The following ROBO1 variants were observed in gnomAD, a reference collection of about 807,000 sequenced individuals.
ROBO1 encodes roundabout guidance receptor 1.
ROBO1 carries 149 observed loss-of-function variants against 195.9 expected under a neutral mutation model. The observed-to-expected ratio is 0.76, with a 90% CI of 0.67 to 0.87. The LOEUF (loss-of-function observed/expected upper bound fraction) is 0.87. Ranked by LOEUF, ROBO1 falls within the 40% of genes least tolerant of loss-of-function variation. ROBO1 has a pLI of 0.00. For missense variants in ROBO1, 1,933 were observed against 2,068.3 expected, an observed-to-expected ratio of 0.93 and a Z score of 1.27; for synonymous variants, 816 against 733.2, an observed-to-expected ratio of 1.11 and a Z score of -1.82.
intron 2 of ROBO1, among the ~76,000 whole-genome samples, chr3:79,202,044 G>A (rs545015484): frequency 6.6e-5 from 10 of 151,630 alleles, no homozygotes; most frequent in South Asian, 2.1e-4. Context: ...CATTGTAGAC[G>A]TCCATTCTTC....
intron 2 of ROBO1, among the ~76,000 whole-genome samples, chr3:79,391,285 T>G (rs1431329090): frequency 6.6e-6 from 1 of 151,978 alleles, no homozygotes; most frequent in Admixed American, 6.6e-5. Flanking sequence ...AGACTGAGAC[T>G]CCATCTCAAA....
intron 2 of ROBO1, among the ~76,000 whole-genome samples, chr3:79,257,058 T>G (rs2082847302): frequency 6.6e-6 from 1 of 152,158 alleles, no homozygotes; most frequent in Non-Finnish European, 1.5e-5. Context: ...AGATTAAAAA[T>G]TTTAAGTCCC....
intron 2 of ROBO1, among the ~76,000 whole-genome samples, chr3:79,278,377 AAAACAAACAAAC>A (rs113781391): frequency 2.0e-5 from 3 of 150,870 alleles, no homozygotes; most frequent in Admixed American, 6.6e-5. Context: ...AGCAAAAACA[AAAACAAACAAAC>A]AAACAAACAA....
At chr3:79,082,675 G>T (rs1168263285) in intron 3 of ROBO1, among the ~76,000 whole-genome samples, 1 of 152,110 alleles carries the variant, frequency 6.6e-6, no homozygotes, top group African/African-American at 2.4e-5. Flanking sequence ...CCAGTTAGTT[G>T]TCTCTATGCC....
intron 2 of ROBO1, among the ~76,000 whole-genome samples, chr3:79,511,131 G>C (rs1940681776): frequency 6.6e-6 from 1 of 152,062 alleles, no homozygotes; most frequent in Admixed American, 6.6e-5. Context: ...TAGAGCAGAG[G>C]TAAAAGAAGA....
At chr3:79,015,388 C>CG (rs1559593275) in intron 3 of ROBO1, among the ~76,000 whole-genome samples, 1 of 149,718 alleles carries the variant, frequency 6.7e-6, no homozygotes, top group African/African-American at 2.5e-5. Context: ...ACGCCCCCCC[C>CG]CAAAAAAACA....
intron 1 of ROBO1, among the ~76,000 whole-genome samples, chr3:79,701,381 A>G (rs541229507): frequency 2.0e-5 from 3 of 151,216 alleles, no homozygotes; most frequent in Non-Finnish European, 4.4e-5. Flanking sequence ...CCTTTTTTCT[A>G]TCCTATTAGC....
At chr3:79,399,929 G>A (rs1320360178) in intron 2 of ROBO1, among the ~76,000 whole-genome samples, 2 of 152,076 alleles carry the variant, frequency 1.3e-5, no homozygotes, top group Non-Finnish European at 2.9e-5. Flanking sequence ...ATTAAAGACT[G>A]ACATTGCTGA....
intron 4 of ROBO1, among the ~76,000 whole-genome samples, chr3:78,823,115 G>A (rs185925307): frequency 4.5e-4 from 68 of 151,726 alleles, no homozygotes; most frequent in Non-Finnish European, 9.1e-4. Context: ...CTTTTGACAT[G>A]TCTTCAATAG....
intron 1 of ROBO1, among the ~76,000 whole-genome samples, chr3:79,752,616 G>A (rs775329222): frequency 6.6e-6 from 1 of 152,090 alleles, no homozygotes; most frequent in East Asian, 1.9e-4. Flanking sequence ...TCTGCAGGCA[G>A]TAAAGCAAAA....
At chr3:79,225,486 G>A (rs922609983) in intron 2 of ROBO1, among the ~76,000 whole-genome samples, 7 of 152,290 alleles carry the variant, frequency 4.6e-5, no homozygotes, top group African/African-American at 1.7e-4. Context: ...ATTCCTGAAT[G>A]AGCAAATTCT....
chr3:78,706,386 A>G (rs971672740), intron 8 of ROBO1, among the ~76,000 whole-genome samples: 2 of 152,190 alleles, frequency 1.3e-5, no homozygotes, highest in Non-Finnish European at 2.9e-5. Context: ...AGTATCATCA[A>G]AAGTATTTTG....
At chr3:78,837,824 A>C (rs2032873913) in intron 4 of ROBO1, among the ~76,000 whole-genome samples, 1 of 152,204 alleles carries the variant, frequency 6.6e-6, no homozygotes, top group South Asian at 2.1e-4. Context: ...AAAGCAACAC[A>C]TATACACATG....
At chr3:78,739,038 A>G (rs555721181) in intron 5 of ROBO1, among the ~76,000 whole-genome samples, 2 of 152,172 alleles carry the variant, frequency 1.3e-5, no homozygotes, top group African/African-American at 4.8e-5. Context: ...ACAACTCAGC[A>G]TAACTTATCT....
intron 2 of ROBO1, among the ~76,000 whole-genome samples, chr3:79,377,782 AC>A (rs2036435242): frequency 6.6e-6 from 1 of 152,102 alleles, no homozygotes; most frequent in Admixed American, 6.5e-5. Flanking sequence ...CATTCCAGCC[AC>A]CCTTTACTGT....
chr3:79,596,257 A>G (rs989414443), intron 1 of ROBO1, among the ~76,000 whole-genome samples: 2 of 152,104 alleles, frequency 1.3e-5, no homozygotes, highest in Admixed American at 1.3e-4. Context: ...TCTGTGCCAG[A>G]CAGGGGAAAG....
intron 1 of ROBO1, among the ~76,000 whole-genome samples, chr3:79,604,256 G>C (rs1387568074): frequency 6.6e-6 from 1 of 151,976 alleles, no homozygotes; most frequent in Non-Finnish European, 1.5e-5. Flanking sequence ...GTAGCTATGG[G>C]ATCTAGAAGG....
intron 4 of ROBO1, among the ~76,000 whole-genome samples, chr3:78,766,055 T>C (rs1468527141): frequency 1.3e-5 from 2 of 152,174 alleles, no homozygotes. Context: ...AAGTTACTAT[T>C]TGTATGACTT....
chr3:79,483,011 G>A (rs1423407947), intron 2 of ROBO1, among the ~76,000 whole-genome samples: 1 of 152,176 alleles, frequency 6.6e-6, no homozygotes. Flanking sequence ...AACGGCAAAA[G>A]GGAATTACAT....
Sources: gnomAD v4.1 joint callset for allele counts (sites outside exome capture counted in the v4.1 genomes callset) on GRCh38, gnomAD v4.1.1 for gene constraint, MANE v1.5 for transcripts, NCBI Gene and HGNC (gene_info 2026-07-23, HGNC 2026-07-21) for gene names.